The following PLEKHA7 variants were observed in gnomAD, a reference collection of about 807,000 sequenced individuals.
PLEKHA7 encodes pleckstrin homology domain-containing family A member 7.
A neutral mutation model predicts 170.0 loss-of-function variants in PLEKHA7; 104 were observed. The observed-to-expected ratio is 0.61, with a 90% CI of 0.52 to 0.72. The LOEUF is 0.72. PLEKHA7 is among the 30% of genes least tolerant of loss of function. PLEKHA7 has a pLI of 0.00. For synonymous variants in PLEKHA7, 648 were observed against 660.8 expected, an observed-to-expected ratio of 0.98 and a Z score of 0.30; for missense variants, 1,615 against 1,671.7, an observed-to-expected ratio of 0.97 and a Z score of 0.59.
intron 3 of PLEKHA7, among the ~76,000 whole-genome samples, chr11:16,958,088 G>C (rs1861820630): frequency 6.6e-6 from 1 of 152,100 alleles, no homozygotes; most frequent in South Asian, 2.1e-4. Context: ...GGCCAAGGTG[G>C]GAGGACTGCT....
At chr11:16,813,347 C>T (rs1849515496) in intron 12 of PLEKHA7, 181 bp from the exon 13 acceptor site, 2 of 488,354 alleles carry the variant, frequency 4.1e-6, no homozygotes, top group Non-Finnish European at 7.6e-6. Flanking sequence ...AGCCGTCTTT[C>T]AGCAGGGCGG....
At chr11:16,929,865 G>A (rs1161209423) in intron 3 of PLEKHA7, among the ~76,000 whole-genome samples, 5 of 152,158 alleles carry the variant, frequency 3.3e-5, no homozygotes, top group African/African-American at 7.2e-5. Context: ...TTAGCTGGGC[G>A]TGGTGGCGTG....
At chr11:16,965,750 C>T (rs1403431510) in intron 3 of PLEKHA7, among the ~76,000 whole-genome samples, 1 of 152,162 alleles carries the variant, frequency 6.6e-6, no homozygotes, top group Non-Finnish European at 1.5e-5. Context: ...TTCTTTTGGC[C>T]TCGATCTTCC....
intron 10 of PLEKHA7, among the ~76,000 whole-genome samples, chr11:16,819,490 G>T (rs1200876686): frequency 3.9e-5 from 6 of 152,234 alleles, no homozygotes; most frequent in Non-Finnish European, 7.3e-5. Flanking sequence ...GTTGTAAAAA[G>T]AGAACAAGTT....
intron 9 of PLEKHA7, among the ~76,000 whole-genome samples, chr11:16,834,115 G>A (rs1435835295): frequency 3.3e-5 from 5 of 152,064 alleles, no homozygotes; most frequent in African/African-American, 1.2e-4. Flanking sequence ...GGTTCAAGCG[G>A]TTCTCCTGTC....
At chr11:16,862,283 T>C (rs1854024330) in intron 4 of PLEKHA7, among the ~76,000 whole-genome samples, 1 of 152,108 alleles carries the variant, frequency 6.6e-6, no homozygotes, top group Admixed American at 6.5e-5. Flanking sequence ...TGTGCCGCCA[T>C]CCCCACCTCC....
At chr11:16,794,423 A>T (rs1848068067) in intron 19 of PLEKHA7, 65 bp downstream of exon 19, 5 of 1,485,648 alleles carry the variant, frequency 3.4e-6, no homozygotes, top group Admixed American at 3.3e-5. Context: ...TTTCTCTCCC[A>T]GGAGAAGGTA....
intron 3 of PLEKHA7, among the ~76,000 whole-genome samples, chr11:16,944,315 T>C (rs1187201127): frequency 1.4e-5 from 2 of 145,732 alleles, no homozygotes; most frequent in East Asian, 2.0e-4. Flanking sequence ...AACCATGCCA[T>C]TGCACTCCAA....
intron 3 of PLEKHA7, among the ~76,000 whole-genome samples, chr11:16,895,235 T>C (rs1322958193): frequency 6.6e-6 from 1 of 152,178 alleles, no homozygotes. Flanking sequence ...CCCTCCTCAT[T>C]TGTGTCTAGA....
chr11:16,837,212 C>T (rs147570652), intron 9 of PLEKHA7, among the ~76,000 whole-genome samples: 1 of 152,218 alleles, frequency 6.6e-6, no homozygotes, highest in African/African-American at 2.4e-5. Flanking sequence ...AAGAATACAT[C>T]TCAATGTCAG....
chr11:16,910,847 A>T (rs535016435), intron 3 of PLEKHA7, among the ~76,000 whole-genome samples: 2 of 152,300 alleles, frequency 1.3e-5, no homozygotes, highest in African/African-American at 4.8e-5. Context: ...GCTCCATACA[A>T]ATATGAAGTG....
chr11:16,971,950 A>G (rs1339794696), intron 3 of PLEKHA7, among the ~76,000 whole-genome samples: 2 of 151,380 alleles, frequency 1.3e-5, no homozygotes, highest in East Asian at 3.9e-4. Flanking sequence ...CAGCCTCCCA[A>G]GTAGCTATGA....
At chr11:16,913,091 G>A (rs1430436272) in intron 3 of PLEKHA7, among the ~76,000 whole-genome samples, 1 of 152,142 alleles carries the variant, frequency 6.6e-6, no homozygotes, top group African/African-American at 2.4e-5. Flanking sequence ...CCCAGGGTGG[G>A]ACCTTTCCCT....
chr11:16,948,248 T>C (rs1861172987), intron 3 of PLEKHA7, among the ~76,000 whole-genome samples: 1 of 152,174 alleles, frequency 6.6e-6, no homozygotes, highest in Non-Finnish European at 1.5e-5. Flanking sequence ...GTTCAAGAGA[T>C]CTATTGTACC....
intron 24 of PLEKHA7, among the ~76,000 whole-genome samples, chr11:16,784,202 C>T (rs991082260): frequency 3.3e-5 from 5 of 152,310 alleles, no homozygotes; most frequent in Non-Finnish European, 1.5e-5. Context: ...TCCAGTTCCC[C>T]GCCCACAGTG....
chr11:16,887,747 C>T (rs1856248106), intron 3 of PLEKHA7, among the ~76,000 whole-genome samples: 1 of 152,234 alleles, frequency 6.6e-6, no homozygotes, highest in Admixed American at 6.5e-5. Flanking sequence ...CTGGCTACAA[C>T]CTCCACCTCC....
In PLEKHA7 at chr11:16,803,353, G is replaced by A. The variant is rs1385379495; in HGVS notation, c.2008-58C>T. 6 of 1,538,986 alleles carry A rather than the reference G, an allele frequency of 3.9e-6. No homozygotes were observed. In the Admixed American group the frequency reaches 1.0e-4, roughly 26 times the overall value. ...CATGGTGTTTGAGATCAGAACTCAG[G>A]AAAGAAAATTCATCCTATAATGGAT... is the stretch of plus-strand genomic sequence containing the variant. On this transcript the variant is annotated intron_variant, in intron 13 of 26. Transcript: ENST00000531066.
chr11:17,014,379 C>A lies in PLEKHA7; in HGVS notation c.23G>T (p.Arg8Leu). The part of the protein sequence containing the change: MAAATVG[R>L]DTLPEHWSYG... ...GGACCAATGCTCAGGTAAAGTGTCCCGCCCGACCGTCGCCGCCGCCATGTT... is the reference window on the plus strand; with the variant it reads ...GGACCAATGCTCAGGTAAAGTGTCCAGCCCGACCGTCGCCGCCGCCATGTT... Residue 8 changes from arginine (R) to leucine (L), a missense_variant, in exon 1 of 27, where the codon CGG (arginine) becomes CTG (leucine). Transcript: ENST00000531066. The A allele has an allele frequency of 7.2e-7, 1 of 1,387,458 alleles. No homozygotes were observed. The allele number at this position is 1,387,458 out of a possible 1,614,324, so 85.9% of individuals were successfully genotyped here.
rs1208382966 is a variant in PLEKHA7, at chr11:16,795,027, G to A, written c.2410-9C>T. ...TGTATCTGCGATTTCTCCTGAGGAA[G>A]ACGAAGTGGTGGGTTTGCCTTCTTA... On this transcript the variant is annotated splice_polypyrimidine_tract_variant and intron_variant, in intron 17 of 26. Coordinates refer to ENST00000531066, the MANE Select transcript of PLEKHA7 (RefSeq NM_001329630.2). 3.8e-6 allele frequency: 6 copies of A among 1,596,002 alleles called. No homozygotes were observed. In the South Asian group the frequency reaches 6.6e-5, roughly 18 times the overall value.
Sources: gnomAD v4.1 joint callset for allele counts (sites outside exome capture counted in the v4.1 genomes callset) on GRCh38, gnomAD v4.1.1 for gene constraint, MANE v1.5 for transcripts, NCBI Gene and HGNC (gene_info 2026-07-23, HGNC 2026-07-21) for gene names.